The following PIGK variants were observed in gnomAD, a reference collection of about 807,000 sequenced individuals.
The protein encoded by PIGK is phosphatidylinositol glycan anchor biosynthesis class K, also known as GPI-anchor transamidase.
PIGK carries 42 observed loss-of-function variants against 50.6 expected under a neutral mutation model. The ratio of observed to expected loss-of-function variants is 0.83; its 90% CI spans 0.65 to 1.07. PIGK has a LOEUF of 1.07. PIGK is among the 50% of genes least tolerant of loss of function. The pLI, the probability that PIGK is intolerant of heterozygous loss-of-function variation, is 0.00. For missense variants in PIGK, 448 were observed against 488.7 expected, an observed-to-expected ratio of 0.92 and a Z score of 0.78; for synonymous variants, 151 against 156.0, an observed-to-expected ratio of 0.97 and a Z score of 0.24.
intron 9 of PIGK, among the ~76,000 whole-genome samples, chr1:77,147,875 A>T (rs574731672): frequency 2.6e-5 from 4 of 152,260 alleles, no homozygotes; most frequent in African/African-American, 7.2e-5. Context: ...ATCTTACTTA[A>T]CATATGTAAG....
chr1:77,101,320 T>C (rs769625546), intron 10 of PIGK, among the ~76,000 whole-genome samples: 1 of 152,206 alleles, frequency 6.6e-6, no homozygotes, highest in Non-Finnish European at 1.5e-5. Context: ...CTCTAAGACC[T>C]ACCTCAAATT....
At chr1:77,180,996 T>G (rs1379421872) in intron 3 of PIGK, among the ~76,000 whole-genome samples, 3 of 152,162 alleles carry the variant, frequency 2.0e-5, no homozygotes, top group African/African-American at 7.2e-5. Context: ...ACTGCTAATA[T>G]TTTCTTCCCT....
At chr1:77,164,119 A>G (rs1655185865) in intron 5 of PIGK, among the ~76,000 whole-genome samples, 177 bp from the exon 6 acceptor site, 2 of 152,232 alleles carry the variant, frequency 1.3e-5, no homozygotes, top group South Asian at 4.1e-4. Flanking sequence ...AAAGAGAATG[A>G]TAGACTATAT....
chr1:77,137,287 A>T (rs1316651800), intron 9 of PIGK, among the ~76,000 whole-genome samples: 1 of 152,224 alleles, frequency 6.6e-6, no homozygotes, highest in Non-Finnish European at 1.5e-5. Context: ...CTGAGAAAGC[A>T]CAACATAAGC....
At chr1:77,095,583 G>A (rs1276492414) in intron 10 of PIGK, among the ~76,000 whole-genome samples, 1 of 152,072 alleles carries the variant, frequency 6.6e-6, no homozygotes, top group East Asian at 1.9e-4. Flanking sequence ...AAAAGGGTAG[G>A]GGGGCACTGA....
chr1:77,187,458 G>A (rs1177527991), intron 3 of PIGK, among the ~76,000 whole-genome samples: 2 of 152,112 alleles, frequency 1.3e-5, no homozygotes, highest in African/African-American at 4.8e-5. Context: ...CTGACACCAG[G>A]AGACACAACA....
intron 3 of PIGK, among the ~76,000 whole-genome samples, chr1:77,203,248 TA>T (rs2100584016): frequency 6.6e-6 from 1 of 152,326 alleles, no homozygotes; most frequent in East Asian, 1.9e-4. Flanking sequence ...CCTTAGAACC[TA>T]ACCCCTACTT....
At chr1:77,200,454 T>C (rs550045404) in intron 3 of PIGK, among the ~76,000 whole-genome samples, 1 of 152,256 alleles carries the variant, frequency 6.6e-6, no homozygotes, top group South Asian at 2.1e-4. Flanking sequence ...ATACACATTT[T>C]AGAATTTAAT....
intron 6 of PIGK, among the ~76,000 whole-genome samples, chr1:77,162,858 A>C (rs1039305297): frequency 3.3e-5 from 5 of 152,186 alleles, no homozygotes; most frequent in Non-Finnish European, 5.9e-5. Context: ...GAGGTTGTGG[A>C]GTAAACAAGA....
chr1:77,216,007 C>T (rs1176674434), intron 1 of PIGK, among the ~76,000 whole-genome samples: 1 of 152,062 alleles, frequency 6.6e-6, no homozygotes, highest in Admixed American at 6.5e-5. Context: ...GGAATAAGTT[C>T]TAGCCTTCTA....
intron 9 of PIGK, among the ~76,000 whole-genome samples, chr1:77,145,193 G>C (rs1391704284): frequency 1.3e-5 from 2 of 151,718 alleles, no homozygotes; most frequent in Non-Finnish European, 2.9e-5. Flanking sequence ...TTTAACTTTT[G>C]ATTTAATTTC....
At chr1:77,155,882 T>A (rs1464198401) in intron 8 of PIGK, among the ~76,000 whole-genome samples, 2 of 152,150 alleles carry the variant, frequency 1.3e-5, no homozygotes, top group Non-Finnish European at 2.9e-5. Context: ...TTCCAAGCAC[T>A]GTGCTAAGCA....
intron 10 of PIGK, among the ~76,000 whole-genome samples, chr1:77,109,661 A>G (rs938649555): frequency 1.3e-5 from 2 of 152,206 alleles, no homozygotes; most frequent in African/African-American, 2.4e-5. Context: ...ATCATACTGA[A>G]TGGGCAAAAA....
intron 6 of PIGK, 60 bp downstream of exon 6, chr1:77,163,786 C>T (rs570775256): frequency 7.5e-5 from 66 of 880,716 alleles, no homozygotes; most frequent in East Asian, 4.6e-4. Context: ...TACAAATCTA[C>T]GAACCATGTG....
At chr1:77,104,048 T>C (rs1321802483) in intron 10 of PIGK, among the ~76,000 whole-genome samples, 1 of 149,648 alleles carries the variant, frequency 6.7e-6, no homozygotes, top group African/African-American at 2.4e-5. Flanking sequence ...AAGACTACTC[T>C]GGATCTGTTG....
At chr1:77,188,560 G>C (rs979247693) in intron 3 of PIGK, among the ~76,000 whole-genome samples, 2 of 152,188 alleles carry the variant, frequency 1.3e-5, no homozygotes, top group African/African-American at 2.4e-5. Flanking sequence ...CTGTGGTCCT[G>C]TGATCTCGCC....
chr1:77,189,238 C>T (rs1012480075), intron 3 of PIGK, among the ~76,000 whole-genome samples: 3 of 152,082 alleles, frequency 2.0e-5, no homozygotes, highest in Non-Finnish European at 4.4e-5. Flanking sequence ...TGTTTTTAGG[C>T]AAAAGACTTA....
intron 3 of PIGK, among the ~76,000 whole-genome samples, chr1:77,170,327 A>G (rs190221209): frequency 2.6e-5 from 4 of 152,232 alleles, no homozygotes; most frequent in Admixed American, 2.6e-4. Flanking sequence ...TCTCTATGCT[A>G]CCTCCACACT....
intron 10 of PIGK, among the ~76,000 whole-genome samples, chr1:77,098,970 C>T (rs970500761): frequency 1.3e-5 from 2 of 152,090 alleles, no homozygotes; most frequent in African/African-American, 4.8e-5. Flanking sequence ...AACCCATTAA[C>T]ATGTTTAGAG....
Sources: gnomAD v4.1 joint callset for allele counts (sites outside exome capture counted in the v4.1 genomes callset) on GRCh38, gnomAD v4.1.1 for gene constraint, MANE v1.5 for transcripts, NCBI Gene and HGNC (gene_info 2026-07-23, HGNC 2026-07-21) for gene names.